USO1: variants seen among roughly 807,000 people sequenced by gnomAD.
USO1 encodes the protein USO1 vesicle transport factor.
In USO1, 57 loss-of-function variants were observed where a neutral mutation model predicts 124.5. The ratio of observed to expected loss-of-function variants is 0.46; its 90% CI spans 0.37 to 0.57. The LOEUF is 0.57. Among genes scored for constraint, USO1 ranks in the 20% least tolerant of loss-of-function variants. USO1 has a pLI of 0.00. For synonymous variants in USO1, 369 were observed against 362.8 expected, an observed-to-expected ratio of 1.02 and a Z score of -0.19; for missense variants, 900 against 1,040.6, an observed-to-expected ratio of 0.86 and a Z score of 1.86.
chr4:75,757,196 G>A (rs531305415), intron 3 of USO1, among the ~76,000 whole-genome samples: 6 of 151,606 alleles, frequency 4.0e-5, no homozygotes, highest in Admixed American at 2.6e-4. Flanking sequence ...AATATTCTTC[G>A]GAAATACATT....
chr4:75,801,452 C>A (rs1005304413), intron 17 of USO1, among the ~76,000 whole-genome samples: 1 of 152,176 alleles, frequency 6.6e-6, no homozygotes, highest in Non-Finnish European at 1.5e-5. Context: ...CATTTTCTTT[C>A]CAGGATACCA....
intron 12 of USO1, 71 bp downstream of exon 12, chr4:75,790,868 TC>T: frequency 7.0e-7 from 1 of 1,428,466 alleles, no homozygotes; most frequent in Non-Finnish European, 9.2e-7. Flanking sequence ...ATTGATTCTT[TC>T]TTTTTATGCT....
intron 14 of USO1, among the ~76,000 whole-genome samples, chr4:75,799,964 A>C (rs1722797666): frequency 6.6e-6 from 1 of 150,540 alleles, no homozygotes; most frequent in Non-Finnish European, 1.5e-5. Flanking sequence ...TTTTTTTTGA[A>C]ATGAAGTCTT....
intron 23 of USO1, among the ~76,000 whole-genome samples, chr4:75,812,940 A>G (rs1434642820): frequency 6.6e-6 from 1 of 152,018 alleles, no homozygotes; most frequent in Admixed American, 6.6e-5. Context: ...GTGAAACCCC[A>G]TCTCTACTAA....
intron 8 of USO1, among the ~76,000 whole-genome samples, chr4:75,781,552 G>T (rs1486972972): frequency 1.3e-5 from 2 of 152,126 alleles, no homozygotes; most frequent in African/African-American, 4.8e-5. Flanking sequence ...TGGACATGAT[G>T]CTATTGCACA....
At chr4:75,766,379 G>C (rs778788932) in intron 4 of USO1, among the ~76,000 whole-genome samples, 1 of 152,160 alleles carries the variant, frequency 6.6e-6, no homozygotes, top group South Asian at 2.1e-4. Context: ...TTAGGACCAT[G>C]GTTCTCAAGT....
intron 1 of USO1, among the ~76,000 whole-genome samples, chr4:75,728,868 G>T (rs1336744853): frequency 6.6e-6 from 1 of 151,788 alleles, no homozygotes; most frequent in African/African-American, 2.4e-5. Flanking sequence ...GCGCAATCTT[G>T]GCTCACTGCA....
chr4:75,744,157 T>C (rs1721054665), intron 1 of USO1, among the ~76,000 whole-genome samples: 1 of 152,198 alleles, frequency 6.6e-6, no homozygotes, highest in African/African-American at 2.4e-5. Flanking sequence ...TTAGTCTCTA[T>C]TTCTGAAGTT....
chr4:75,782,379 C>G (rs993974166), intron 8 of USO1, among the ~76,000 whole-genome samples: 1 of 152,168 alleles, frequency 6.6e-6, no homozygotes, highest in Non-Finnish European at 1.5e-5. Flanking sequence ...TGACGCTAAC[C>G]TAGTCCTGTA....
intron 8 of USO1, among the ~76,000 whole-genome samples, chr4:75,781,747 AATG>A (rs1165481143): frequency 1.5e-5 from 2 of 137,582 alleles, no homozygotes; most frequent in Admixed American, 1.6e-4. Flanking sequence ...TGCTCTAAAA[AATG>A]ATGTCTTTTT....
chr4:75,801,062 T>C lies in USO1; in HGVS notation c.1865-17T>C. Reference sequence around the variant, plus strand: ...TAAAACATTTAAAACAAATTTTAAATAAGCTTCCTTTTATAGGTGTTATAA... The same window carrying C: ...TAAAACATTTAAAACAAATTTTAAACAAGCTTCCTTTTATAGGTGTTATAA... On this transcript the variant is annotated splice_polypyrimidine_tract_variant and intron_variant, in intron 16 of 23. Coordinates refer to ENST00000514213, the MANE Select transcript of USO1 (RefSeq NM_003715.4). 6.6e-7 allele frequency: 1 copy of C among 1,509,324 alleles called. No homozygotes were observed. The highest frequency in any genetic ancestry group is 8.8e-7 in the Non-Finnish European group (1 of 1,133,404). 93.5% of individuals were successfully genotyped at this position (1,509,324 alleles called of 1,614,324 possible).
intron 20 of USO1, among the ~76,000 whole-genome samples, chr4:75,807,398 A>G (rs1723027866): frequency 6.6e-6 from 1 of 151,888 alleles, no homozygotes; most frequent in Admixed American, 6.6e-5. Context: ...AAGCAATACT[A>G]AAAAATGACC....
intron 1 of USO1, among the ~76,000 whole-genome samples, chr4:75,730,933 T>C (rs376818878): frequency 3.9e-5 from 6 of 152,118 alleles, no homozygotes; most frequent in Admixed American, 2.6e-4. Context: ...AGAAAAACTT[T>C]TGTGGTGTTA....
intron 1 of USO1, 116 bp from the exon 2 acceptor site, chr4:75,752,257 A>G (rs1390438182): frequency 2.5e-6 from 1 of 395,466 alleles, no homozygotes. Context: ...CTGAAAGACC[A>G]TTTCTGTTAC....
At chr4:75,802,385 C>T (rs964994515) in intron 17 of USO1, among the ~76,000 whole-genome samples, 1 of 152,086 alleles carries the variant, frequency 6.6e-6, no homozygotes, top group African/African-American at 2.4e-5. Context: ...AGAGTCTATA[C>T]TTGGGGCTGC....
chr4:75,743,811 C>G (rs1336349895), intron 1 of USO1, among the ~76,000 whole-genome samples: 1 of 152,150 alleles, frequency 6.6e-6, no homozygotes, highest in African/African-American at 2.4e-5. Context: ...GAGTCTCGCT[C>G]TGTCACCTAG....
At chr4:75,763,608 C>T (rs976448677) in intron 4 of USO1, among the ~76,000 whole-genome samples, 1 of 151,998 alleles carries the variant, frequency 6.6e-6, no homozygotes, top group African/African-American at 2.4e-5. Flanking sequence ...TTTTATTTTA[C>T]ATTCCTATAT....
chr4:75,744,754 T>C (rs1199203917), intron 1 of USO1: 5 of 257,954 alleles, frequency 1.9e-5, no homozygotes, highest in South Asian at 3.5e-5. Context: ...AAAAGTAATA[T>C]CTGAATACAT....
intron 1 of USO1, among the ~76,000 whole-genome samples, 195 bp from the exon 2 acceptor site, chr4:75,752,178 T>C (rs1721312245): frequency 2.6e-5 from 4 of 152,214 alleles, no homozygotes. Flanking sequence ...TCCCACTTTT[T>C]AAGTCTCTGC....
Sources: gnomAD v4.1 joint callset for allele counts (sites outside exome capture counted in the v4.1 genomes callset) on GRCh38, gnomAD v4.1.1 for gene constraint, MANE v1.5 for transcripts, NCBI Gene and HGNC (gene_info 2026-07-23, HGNC 2026-07-21) for gene names.